NCAPG: variants seen among roughly 807,000 people sequenced by gnomAD.
The protein encoded by NCAPG is non-SMC condensin I complex subunit G.
Under a neutral mutation model 113.1 loss-of-function variants are expected in NCAPG, and 69 were observed. The observed-to-expected ratio is 0.61, with a 90% CI of 0.50 to 0.75. The LOEUF (loss-of-function observed/expected upper bound fraction) is 0.75, where lower values mean the gene tolerates loss of function less well. Ranked by LOEUF, NCAPG falls within the 30% of genes least tolerant of loss-of-function variation. NCAPG has a pLI of 0.00. For synonymous variants in NCAPG, 370 were observed against 415.8 expected (o/e 0.89, Z 1.34); for missense variants, 1,058 against 1,177.0 (o/e 0.90, Z 1.48).
intron 5 of NCAPG, among the ~76,000 whole-genome samples, chr4:17,816,753 T>C (rs1721227552): frequency 6.6e-6 from 1 of 152,222 alleles, no homozygotes; most frequent in African/African-American, 2.4e-5. Flanking sequence ...GCTGTGGTAT[T>C]TGGTGCTGAA....
chr4:17,821,734 G>C (rs1347167159), intron 7 of NCAPG, among the ~76,000 whole-genome samples: 1 of 151,752 alleles, frequency 6.6e-6, no homozygotes, highest in Non-Finnish European at 1.5e-5. Context: ...GAAGTGGTTG[G>C]GATTACAGGT....
intron 7 of NCAPG, among the ~76,000 whole-genome samples, chr4:17,820,590 A>G (rs1351776022): frequency 6.6e-6 from 1 of 152,190 alleles, no homozygotes; most frequent in Non-Finnish European, 1.5e-5. Context: ...CAACAGAGCA[A>G]GACTCCGTCT....
At chr4:17,818,774 A>G (rs1280561704) in intron 7 of NCAPG, among the ~76,000 whole-genome samples, 1 of 152,212 alleles carries the variant, frequency 6.6e-6, no homozygotes, top group African/African-American at 2.4e-5. Context: ...CCTTTTTAAA[A>G]AACAATTTGG....
chr4:17,842,253 T>G, intron 19 of NCAPG, 57 bp from the exon 20 acceptor site: 1 of 1,496,950 alleles, frequency 6.7e-7, no homozygotes, highest in East Asian at 2.3e-5. Context: ...AGAAACTAGA[T>G]TAAAAACAAA....
intron 13 of NCAPG, among the ~76,000 whole-genome samples, chr4:17,832,744 C>T (rs937202673): frequency 6.6e-6 from 1 of 151,894 alleles, no homozygotes; most frequent in Non-Finnish European, 1.5e-5. Flanking sequence ...TTATAGGACC[C>T]TAAGCCTCAG....
rs778714553 is a variant in NCAPG at position 17,839,831 on chromosome 4, T to C, written c.2622T>C (p.Ile874=). Residue 874 remains isoleucine (I), a synonymous_variant, in exon 17 of 21, where the codon ATT becomes ATC. Transcript: ENST00000251496. Reference sequence around the variant, plus strand: ...ATCTTCTGGTTCTATTGAATGAGATTCTGGAGGTAAAGTAGTTTCTCATTA... The same window carrying C: ...ATCTTCTGGTTCTATTGAATGAGATCCTGGAGGTAAAGTAGTTTCTCATTA... ...AKDLLVLLNE[I]LEQVKDRTCL... is the part of the protein sequence containing the mutation. The C allele has an allele frequency of 3.2e-6, 5 of 1,581,100 alleles. No individual in the cohort carries two copies. Among genetic ancestry groups the C allele is most frequent in the Non-Finnish European group, 4.3e-6 (5 of 1,172,140 alleles).
intron 19 of NCAPG, chr4:17,841,400 A>T (rs1722388876): frequency 6.6e-6 from 1 of 151,982 alleles, no homozygotes; most frequent in Non-Finnish European, 1.5e-5. Context: ...GAGTCTGGTC[A>T]TAATATTGTT....
At chr4:17,821,501 T>C (rs1464544853) in intron 7 of NCAPG, among the ~76,000 whole-genome samples, 5 of 151,310 alleles carry the variant, frequency 3.3e-5, no homozygotes, top group Non-Finnish European at 7.4e-5. Flanking sequence ...TCTTGCTTTG[T>C]TGCCCAGGCT....
At chr4:17,832,242 G>A (rs1721892994) in intron 13 of NCAPG, among the ~76,000 whole-genome samples, 1 of 152,220 alleles carries the variant, frequency 6.6e-6, no homozygotes, top group Non-Finnish European at 1.5e-5. Context: ...AGGGGTACAA[G>A]TATGGAAGCA....
At chr4:17,822,858 A>C in intron 7 of NCAPG, 125 bp from the exon 8 acceptor site, 1 of 604,844 alleles carries the variant, frequency 1.7e-6, no homozygotes, top group Non-Finnish European at 2.6e-6. Flanking sequence ...ACCAAATTAC[A>C]TGGCATAGAT....
At chr4:17,837,010 AAC>A (rs1435932486) in intron 14 of NCAPG, 147 bp from the exon 15 acceptor site, 3 of 597,444 alleles carry the variant, frequency 5.0e-6, no homozygotes, top group Non-Finnish European at 8.3e-6. Flanking sequence ...GCTTTGAAGA[AAC>A]AGTCTTTTTA....
rs1021077701 is a variant in NCAPG at position 17,811,961 on chromosome 4, A to T, written c.112-260A>T. ...GTACTGGTACTAAAGGCTTATTGAGAATCAAAGATATTGAAAAAAATATAT... is the reference window on the plus strand; with the variant it reads ...GTACTGGTACTAAAGGCTTATTGAGTATCAAAGATATTGAAAAAAATATAT... On this transcript the variant is annotated intron_variant, in intron 1 of 20. Coordinates refer to ENST00000251496, the MANE Select transcript of NCAPG (RefSeq NM_022346.5). The surrounding 1 kb of genome is among the most constrained non-coding windows in gnomAD (Gnocchi z 5.3). Among the ~76,000 whole-genome samples the T allele has an allele frequency of 3.3e-5, 5 of 152,224 alleles. No homozygotes were observed. The highest frequency in any genetic ancestry group is 1.2e-4 in the African/African-American group (5 of 41,460).
rs1577334105 is a variant in NCAPG, at chr4:17,817,463, G to A, written c.968+10G>A. On this transcript the variant is annotated intron_variant, in intron 6 of 20. Transcript: ENST00000251496. Reference sequence around the variant, plus strand: ...AAAACAATGATGGCAGGTACATAAAGGATTCATTCTTTGAAATGTAGTACT... The same window carrying A: ...AAAACAATGATGGCAGGTACATAAAAGATTCATTCTTTGAAATGTAGTACT... The A allele has an allele frequency of 6.2e-7, 1 of 1,609,148 alleles. No individual in the cohort carries two copies. Among genetic ancestry groups the A allele is most frequent in the Middle Eastern group, 1.7e-4 (1 of 6,032 alleles).
Position 17,811,200 on chromosome 4 carries a change from C to A in NCAPG, c.111+12C>A. ...GCACCTACCGCACGGTAAGCGCTCC[C>A]GGCCCCGGCCGCCGCCTCTCGCCCG... is the stretch of plus-strand genomic sequence containing the variant. On this transcript the variant is annotated intron_variant, in intron 1 of 20. Transcript: ENST00000251496. The surrounding 1 kb of genome is among the most constrained non-coding windows in gnomAD (Gnocchi z 5.3). 6.9e-7 allele frequency: 1 copy of A among 1,445,010 alleles called. No individual in the cohort carries two copies. Among genetic ancestry groups the A allele is most frequent in the South Asian group, 1.4e-5 (1 of 73,632 alleles). 89.5% of individuals were successfully genotyped at this position (1,445,010 alleles called of 1,614,324 possible).
intron 18 of NCAPG, 28 bp downstream of exon 18, chr4:17,840,237 T>A (rs762288835): frequency 6.6e-7 from 1 of 1,512,864 alleles, no homozygotes; most frequent in South Asian, 1.4e-5. Flanking sequence ...AGAATATTTA[T>A]AAGGTTCTGT....
intron 9 of NCAPG, among the ~76,000 whole-genome samples, chr4:17,824,381 G>C (rs945561997): frequency 5.3e-5 from 8 of 152,012 alleles, no homozygotes; most frequent in Non-Finnish European, 1.2e-4. Flanking sequence ...TTAATTCACA[G>C]ATCATCTCTT....
intron 14 of NCAPG, among the ~76,000 whole-genome samples, chr4:17,835,834 A>T (rs988595319): frequency 5.9e-5 from 9 of 152,144 alleles, no homozygotes; most frequent in African/African-American, 2.2e-4. Flanking sequence ...ACTCCATTTT[A>T]TGTATATATG....
intron 3 of NCAPG, among the ~76,000 whole-genome samples, chr4:17,814,648 A>G (rs947494940): frequency 1.3e-5 from 2 of 151,980 alleles, no homozygotes; most frequent in African/African-American, 2.4e-5. Context: ...GTCTTTCTAT[A>G]TTGCTCAGGC....
At chr4:17,812,852 G>C in intron 2 of NCAPG, 65 bp from the exon 3 acceptor site, 1 of 1,329,522 alleles carries the variant, frequency 7.5e-7, no homozygotes, top group Non-Finnish European at 1.1e-6. Context: ...ATAGAGTTCA[G>C]ATAATATTGA....
Sources: allele counts gnomAD v4.1 joint callset (sites outside exome capture counted in the v4.1 genomes callset), GRCh38; gene constraint gnomAD v4.1.1; non-coding constraint Gnocchi (gnomAD v3.1); transcripts MANE v1.5; gene names NCBI Gene and HGNC (gene_info 2026-07-23, HGNC 2026-07-21).